Variants in NDST3 observed in about 807,000 individuals in gnomAD.
NDST3 encodes the protein bifunctional heparan sulfate N-deacetylase/N-sulfotransferase 3.
NDST3 carries 58 observed loss-of-function variants against 96.1 expected under a neutral mutation model. That is an observed-to-expected ratio of 0.60 (90% CI 0.49 to 0.75). The LOEUF (loss-of-function observed/expected upper bound fraction) is 0.75. Among genes scored for constraint, NDST3 ranks in the 30% least tolerant of loss-of-function variants. NDST3 has a pLI of 0.00. For missense variants in NDST3, 788 were observed against 1,034.2 expected (o/e 0.76, Z 3.27); for synonymous variants, 333 against 359.7 (o/e 0.93, Z 0.84).
chr4:118,176,712 C>G (rs1422276407), intron 6 of NDST3, among the ~76,000 whole-genome samples: 1 of 151,848 alleles, frequency 6.6e-6, no homozygotes, highest in African/African-American at 2.4e-5. Flanking sequence ...TATGAGACAC[C>G]CACTACACTA....
At chr4:118,053,728 C>T (rs542606865) in intron 1 of NDST3, 28 bp from the exon 2 acceptor site, 1 of 596,500 alleles carries the variant, frequency 1.7e-6, no homozygotes, top group South Asian at 2.9e-5. Flanking sequence ...TGCAAACTGA[C>T]TGTTTTATAT....
At chr4:118,115,508 G>A (rs1174882547) in intron 4 of NDST3, among the ~76,000 whole-genome samples, 1 of 152,168 alleles carries the variant, frequency 6.6e-6, no homozygotes, top group Non-Finnish European at 1.5e-5. Context: ...AGACCATAAT[G>A]ACTGTATGAG....
chr4:118,245,921 T>C (rs1267343953), intron 12 of NDST3, among the ~76,000 whole-genome samples: 1 of 152,132 alleles, frequency 6.6e-6, no homozygotes, highest in Non-Finnish European at 1.5e-5. Context: ...GGATTGAAAC[T>C]CAATCAGTTA....
intron 1 of NDST3, among the ~76,000 whole-genome samples, chr4:118,051,569 C>CA: frequency 6.6e-6 from 1 of 151,936 alleles, no homozygotes; most frequent in East Asian, 1.9e-4. Context: ...AAGAAACAAC[C>CA]AACCCCCTTT....
At chr4:118,036,355 A>C (rs533441808) in intron 1 of NDST3, among the ~76,000 whole-genome samples, 1 of 152,302 alleles carries the variant, frequency 6.6e-6, no homozygotes, top group East Asian at 1.9e-4. Flanking sequence ...TATATACACT[A>C]TAAAATCAGG....
rs1000787443 is a variant in NDST3 at position 118,167,879 on chromosome 4, C to G, written c.1539+24195C>G. Among the ~76,000 whole-genome samples the G allele has an allele frequency of 7.3e-5, 11 of 151,686 alleles. No individual in the cohort carries two copies. The East Asian group carries it at 1.9e-3, about 27-fold the overall frequency. ...TCACATATAAAAAATTAAAATGGAC[C>G]CTTATCATACACCATACACAAAAAT... is the stretch of plus-strand genomic sequence containing the variant. On this transcript the variant is annotated intron_variant, in intron 6 of 13. Coordinates refer to ENST00000296499, the MANE Select transcript of NDST3 (RefSeq NM_004784.3).
chr4:118,077,195 C>T (rs753431079), intron 2 of NDST3, among the ~76,000 whole-genome samples: 3 of 152,164 alleles, frequency 2.0e-5, no homozygotes, highest in African/African-American at 7.2e-5. Flanking sequence ...ACTGGCCACA[C>T]TCTGATGGGG....
chr4:118,234,036 T>C (rs1384413361), intron 9 of NDST3, among the ~76,000 whole-genome samples: 5 of 152,214 alleles, frequency 3.3e-5, no homozygotes, highest in Admixed American at 2.0e-4. Context: ...CTAATTGTTA[T>C]ATATTTCACT....
At chr4:118,228,768 G>A (rs1296005090) in intron 8 of NDST3, among the ~76,000 whole-genome samples, 1 of 151,910 alleles carries the variant, frequency 6.6e-6, no homozygotes, top group Non-Finnish European at 1.5e-5. Flanking sequence ...CACATCCCCA[G>A]CCACAAGCAA....
At chr4:118,163,250 G>T (rs1448420191) in intron 6 of NDST3, among the ~76,000 whole-genome samples, 2 of 151,982 alleles carry the variant, frequency 1.3e-5, no homozygotes, top group African/African-American at 4.8e-5. Context: ...CCCATTACTG[G>T]GTATATACCC....
At chr4:118,086,945 C>A (rs1032463835) in intron 2 of NDST3, among the ~76,000 whole-genome samples, 1 of 151,932 alleles carries the variant, frequency 6.6e-6, no homozygotes, top group Non-Finnish European at 1.5e-5. Flanking sequence ...TAAAAAGCAC[C>A]GCTTATGGCA....
chr4:118,100,868 G>A (rs1312094939), intron 2 of NDST3, among the ~76,000 whole-genome samples: 1 of 152,176 alleles, frequency 6.6e-6, no homozygotes, highest in African/African-American at 2.4e-5. Flanking sequence ...GCCTGGAGGA[G>A]GTATGAGTGC....
intron 12 of NDST3, among the ~76,000 whole-genome samples, chr4:118,245,752 A>C (rs1741274782): frequency 6.6e-6 from 1 of 152,224 alleles, no homozygotes; most frequent in Non-Finnish European, 1.5e-5. Context: ...TGGTTGTAAC[A>C]GTTCAAAATA....
rs979187769 is a variant in NDST3 at position 118,166,015 on chromosome 4, GA to G, written c.1539+22339del. Among the ~76,000 whole-genome samples the G allele has an allele frequency of 7.3e-4, 109 of 148,620 alleles. 1 individual carries two copies. Among genetic ancestry groups the G allele is most frequent in the African/African-American group, 2.3e-3 (95 of 40,532 alleles). On this transcript the variant is annotated intron_variant, in intron 6 of 13. Coordinates refer to ENST00000296499, the MANE Select transcript of NDST3 (RefSeq NM_004784.3). ...TACCTCAGGGAAACTCAAGAAACTAGAAAAAAAAGAGCAAACTAAACTCAAA... is the reference window on the plus strand; with the variant it reads ...TACCTCAGGGAAACTCAAGAAACTAGAAAAAAAGAGCAAACTAAACTCAAA...
At chr4:118,237,358 A>G in intron 10 of NDST3, 138 bp downstream of exon 10, 1 of 626,810 alleles carries the variant, frequency 1.6e-6, no homozygotes, top group Admixed American at 4.3e-5. Context: ...AAAATGGACA[A>G]GTTTTTCTTG....
At chr4:118,188,051 A>G (rs1324474944) in intron 6 of NDST3, among the ~76,000 whole-genome samples, 1 of 152,102 alleles carries the variant, frequency 6.6e-6, no homozygotes, top group Non-Finnish European at 1.5e-5. Context: ...AGCTACTGTT[A>G]CAACATCAGC....
intron 2 of NDST3, among the ~76,000 whole-genome samples, chr4:118,061,904 A>T (rs565371839): frequency 4.5e-4 from 69 of 152,318 alleles, no homozygotes; most frequent in African/African-American, 1.6e-3. Context: ...GCGCAGCCAC[A>T]TGGTGGAAGA....
intron 6 of NDST3, among the ~76,000 whole-genome samples, chr4:118,167,691 T>C (rs965123756): frequency 1.3e-5 from 2 of 152,014 alleles, no homozygotes; most frequent in Non-Finnish European, 2.9e-5. Flanking sequence ...TAAAGCAGTA[T>C]GGTGATGTTA....
intron 6 of NDST3, among the ~76,000 whole-genome samples, chr4:118,161,356 TCA>T (rs1373324833): frequency 1.3e-5 from 2 of 152,322 alleles, no homozygotes; most frequent in Admixed American, 1.3e-4. Flanking sequence ...CTACCCATTC[TCA>T]GATATCCAGC....
Sources: allele counts gnomAD v4.1 joint callset (sites outside exome capture counted in the v4.1 genomes callset), GRCh38; gene constraint gnomAD v4.1.1; transcripts MANE v1.5; gene names NCBI Gene and HGNC (gene_info 2026-07-23, HGNC 2026-07-21).